The following PPIL6 variants were observed in gnomAD, a reference collection of about 807,000 sequenced individuals.
PPIL6 encodes the protein peptidylprolyl isomerase like 6, also known as probable inactive peptidyl-prolyl cis-trans isomerase-like 6.
Under a neutral mutation model 36.8 loss-of-function variants are expected in PPIL6, and 39 were observed. The ratio of observed to expected loss-of-function variants is 1.06; its 90% CI spans 0.82 to 1.38. The LOEUF (loss-of-function observed/expected upper bound fraction) is 1.38. Among genes scored for constraint, PPIL6 ranks in the 40% most tolerant of loss-of-function variants. The probability of loss-of-function intolerance (pLI) is 0.00; values close to 1 mark genes in which losing one functional copy is unlikely to be tolerated. For synonymous variants in PPIL6, 123 were observed against 134.1 expected (o/e 0.92, Z 0.57); for missense variants, 368 against 379.1 (o/e 0.97, Z 0.24).
chr6:109,420,637 T>C (rs1005090502), intron 5 of PPIL6, among the ~76,000 whole-genome samples: 2 of 152,186 alleles, frequency 1.3e-5, no homozygotes, highest in Non-Finnish European at 2.9e-5. Context: ...AGGTCTGTCC[T>C]CTCTCCCCCA....
intron 6 of PPIL6, among the ~76,000 whole-genome samples, chr6:109,417,500 A>G (rs1320307870): frequency 6.6e-6 from 1 of 152,116 alleles, no homozygotes; most frequent in East Asian, 1.9e-4. Context: ...TCTAGGGTAC[A>G]TTCACTATCA....
chr6:109,404,113 G>A (rs950371956), intron 6 of PPIL6, among the ~76,000 whole-genome samples: 9 of 152,192 alleles, frequency 5.9e-5, no homozygotes, highest in African/African-American at 1.4e-4. Context: ...GACTCCATGG[G>A]CACAGTGAGG....
chr6:109,417,807 T>C (rs1016806733), intron 6 of PPIL6, among the ~76,000 whole-genome samples: 12 of 152,196 alleles, frequency 7.9e-5, no homozygotes, highest in African/African-American at 2.9e-4. Context: ...AGTCCAACCT[T>C]GGACTCTTGT....
intron 3 of PPIL6, among the ~76,000 whole-genome samples, chr6:109,428,571 A>C (rs78564005): frequency 6.7e-6 from 1 of 150,154 alleles, no homozygotes; most frequent in Non-Finnish European, 1.5e-5. Flanking sequence ...AAAAAAAAAA[A>C]CCACCTTATT....
rs1774778116 is a variant in PPIL6, at chr6:109,440,472, G to A, written c.119C>T (p.Ala40Val). 7 of 1,538,928 alleles carry A rather than the reference G, an allele frequency of 4.5e-6. No homozygotes were observed. Among genetic ancestry groups the A allele is most frequent in the Non-Finnish European group, 6.1e-6 (7 of 1,141,792 alleles). Residue 40 changes from alanine to valine, a missense_variant, in exon 1 of 8, where the codon GCG becomes GTG. Coordinates refer to ENST00000521072, the MANE Select transcript of PPIL6 (RefSeq NM_173672.5). ...TGTGGTTACCTCAGCGGCGCTCTTC[G>A]CAATCTGAAAGTTGGGGCAGCTGAA... ...GLFSCPNFQI[A>V]KSAAENLKNN...
At chr6:109,420,332 C>CAAAAA (rs564751735) in intron 5 of PPIL6, among the ~76,000 whole-genome samples, 276 of 50,854 alleles carry the variant, frequency 5.4e-3, no homozygotes, top group Non-Finnish European at 7.1e-3. Flanking sequence ...GACTCCATCT[C>CAAAAA]AAAAAAAAAA....
intron 6 of PPIL6, among the ~76,000 whole-genome samples, chr6:109,409,850 T>A (rs564867272): frequency 6.6e-6 from 1 of 152,324 alleles, no homozygotes; most frequent in South Asian, 2.1e-4. Context: ...ACAACACTGA[T>A]GAAAGAAACT....
intron 7 of PPIL6, among the ~76,000 whole-genome samples, chr6:109,394,532 T>C (rs573489807): frequency 1.3e-5 from 2 of 152,222 alleles, no homozygotes; most frequent in South Asian, 4.2e-4. Flanking sequence ...GTGCCCTCTG[T>C]CAGTGCTTGG....
At chr6:109,437,548 CTTTTTTTTTTTTTTTT>C (rs71551374) in intron 1 of PPIL6, among the ~76,000 whole-genome samples, 1 of 97,956 alleles carries the variant, frequency 1.0e-5, no homozygotes, top group Non-Finnish European at 2.0e-5. Flanking sequence ...TATTTCTTTT[CTTTTTTTTTTTTTTTT>C]TTTTTTTTGA....
Position 109,390,913 on chromosome 6 carries a change from C to G in PPIL6, c.*1913G>C, listed in dbSNP as rs2115186156. ...CGCCTACTTTTGGCAAGCCTCATAT[C>G]CATTAGAAGCCTGCCTCTTTAAGAC... On this transcript the variant is annotated 3_prime_UTR_variant, in exon 8 of 8. Transcript: ENST00000521072. 6.6e-6 allele frequency: 1 copy of G among 152,250 alleles called. No individual in the cohort carries two copies. Among genetic ancestry groups the G allele is most frequent in the South Asian group, 2.1e-4 (1 of 4,814 alleles). The allele number at this position is 152,250 out of a possible 1,614,324, so 9.4% of individuals were successfully genotyped here.
At chr6:109,419,126 C>T (rs1265956379) in intron 6 of PPIL6, 61 bp downstream of exon 6, 1 of 971,870 alleles carries the variant, frequency 1.0e-6, no homozygotes, top group East Asian at 2.4e-5. Flanking sequence ...TGAAACTGTC[C>T]AGTCCTGTTA....
chr6:109,425,311 T>C (rs1035698614), intron 5 of PPIL6, among the ~76,000 whole-genome samples: 16 of 152,258 alleles, frequency 1.1e-4, no homozygotes, highest in Admixed American at 1.0e-3. Flanking sequence ...TTTGAAAATA[T>C]GACCCAAGAT....
intron 6 of PPIL6, among the ~76,000 whole-genome samples, chr6:109,416,385 T>C (rs1182174318): frequency 6.6e-6 from 1 of 151,968 alleles, no homozygotes; most frequent in Non-Finnish European, 1.5e-5. Context: ...ATATTTTCAG[T>C]AGAGACAGGG....
chr6:109,422,756 C>T (rs1267771386), intron 5 of PPIL6, among the ~76,000 whole-genome samples: 3 of 152,132 alleles, frequency 2.0e-5, no homozygotes, highest in Admixed American at 6.6e-5. Context: ...ATTTAAAAGT[C>T]GTGTGAAAGC....
intron 6 of PPIL6, 57 bp downstream of exon 6, chr6:109,419,130 C>A: frequency 9.9e-7 from 1 of 1,006,712 alleles, no homozygotes; most frequent in South Asian, 1.3e-5. Context: ...ACTGTCCAGT[C>A]CTGTTAAGTT....
intron 5 of PPIL6, among the ~76,000 whole-genome samples, chr6:109,425,276 C>T (rs557327538): frequency 8.2e-4 from 125 of 152,262 alleles, no homozygotes; most frequent in Non-Finnish European, 1.3e-3. Context: ...TTTCCCAAGC[C>T]GTCCTTAACA....
At chr6:109,417,795 C>G (rs183930546) in intron 6 of PPIL6, among the ~76,000 whole-genome samples, 2 of 152,288 alleles carry the variant, frequency 1.3e-5, no homozygotes, top group Admixed American at 1.3e-4. Flanking sequence ...GGACACCTGT[C>G]CAGTCCAACC....
chr6:109,429,854 C>T lies in PPIL6; in HGVS notation c.420+1303G>A, dbSNP rs569933335. Among the ~76,000 whole-genome samples, 25 of 152,300 alleles carry T rather than the reference C, an allele frequency of 1.6e-4. 1 individual carries two copies. Among genetic ancestry groups the T allele is most frequent in the Middle Eastern group, 3.4e-3 (1 of 294 alleles). On this transcript the variant is annotated intron_variant, in intron 3 of 7. Coordinates refer to ENST00000521072, the MANE Select transcript of PPIL6 (RefSeq NM_173672.5). ...GATAACAGCATCCTTTCAATACACA[C>T]CTTTTCGCCTTCGATCAATCAGAGG...
chr6:109,429,956 C>T (rs1016577992), intron 3 of PPIL6, among the ~76,000 whole-genome samples: 5 of 152,236 alleles, frequency 3.3e-5, no homozygotes, highest in African/African-American at 1.2e-4. Flanking sequence ...TTCTGGCCTC[C>T]TTGCTGTCCC....
Sources: allele counts gnomAD v4.1 joint callset (sites outside exome capture counted in the v4.1 genomes callset), GRCh38; gene constraint gnomAD v4.1.1; transcripts MANE v1.5; gene names NCBI Gene and HGNC (gene_info 2026-07-23, HGNC 2026-07-21).